CFAP70: variants seen among roughly 807,000 people sequenced by gnomAD.
CFAP70 encodes cilia and flagella associated protein 70.
Under a neutral mutation model 137.6 loss-of-function variants are expected in CFAP70, and 81 were observed. The observed-to-expected ratio is 0.59, with a 90% CI of 0.49 to 0.71. The LOEUF (loss-of-function observed/expected upper bound fraction) is 0.71. CFAP70 is among the 30% of genes least tolerant of loss of function. CFAP70 has a pLI of 0.00. For synonymous variants in CFAP70, 382 were observed against 423.6 expected (o/e 0.90, Z 1.20); for missense variants, 976 against 1,226.7 (o/e 0.80, Z 3.05).
At chr10:73,299,235 A>C in intron 13 of CFAP70, 134 bp from the exon 15 acceptor site, 1 of 717,236 alleles carries the variant, frequency 1.4e-6, no homozygotes, top group Non-Finnish European at 2.2e-6. Flanking sequence ...TTTTAGAGAC[A>C]AGGTCTCTCT....
At chr10:73,361,874 T>C (rs1374706427), upstream of CFAP70, among the ~76,000 whole-genome samples, 2 of 151,820 alleles carry the variant, frequency 1.3e-5, no homozygotes, top group African/African-American at 4.8e-5. Context: ...CTTTCAGAAA[T>C]TAACAAGCTG....
At chr10:73,302,170 G>A (rs1297793656) in intron 12 of CFAP70, among the ~76,000 whole-genome samples, 1 of 151,982 alleles carries the variant, frequency 6.6e-6, no homozygotes, top group African/African-American at 2.4e-5. Context: ...GTGTATAGAT[G>A]GTATTTAGAG....
At chr10:73,263,274 T>G (rs1231522261) in intron 25 of CFAP70, among the ~76,000 whole-genome samples, 3 of 152,130 alleles carry the variant, frequency 2.0e-5, no homozygotes, top group Non-Finnish European at 1.5e-5. Context: ...TTTTTTAATG[T>G]TTTGTAGAGA....
chr10:73,323,997 G>A (rs951515140), intron 8 of CFAP70, among the ~76,000 whole-genome samples: 23 of 152,322 alleles, frequency 1.5e-4, no homozygotes, highest in African/African-American at 3.8e-4. Context: ...CTCCCAGCAC[G>A]CAGCTGGAGA....
chr10:73,286,299 C>T (rs1040632734), intron 19 of CFAP70, among the ~76,000 whole-genome samples: 10 of 152,000 alleles, frequency 6.6e-5, no homozygotes, highest in Non-Finnish European at 8.8e-5. Context: ...AAAAAATTAG[C>T]CGGGCGTGGT....
rs754738187 is a variant in CFAP70, at chr10:73,297,194, C to T, written c.1513-21G>A. 17 of 1,606,848 alleles carry T rather than the reference C, an allele frequency of 1.1e-5. No individual in the cohort carries two copies. In the Admixed American group the frequency reaches 2.7e-4, roughly 25 times the overall value. On this transcript the variant is annotated intron_variant, in intron 14 of 26. Coordinates refer to ENST00000310715, the Ensembl canonical transcript of CFAP70. Reference sequence around the variant, plus strand: ...GCATGCTGCAAGACACACAGATCACCCATCTGATAATACAGTCCAGCACCA... The same window carrying T: ...GCATGCTGCAAGACACACAGATCACTCATCTGATAATACAGTCCAGCACCA...
exon 21 of CFAP70, chr10:73,277,253 A>C: frequency 6.2e-7 from 1 of 1,613,918 alleles, no homozygotes; most frequent in Non-Finnish European, 8.5e-7. Flanking sequence ...CACAGCCTTG[A>C]CTTTCATCAA....
intron 3 of CFAP70, among the ~76,000 whole-genome samples, chr10:73,351,827 T>C (rs1214077632): frequency 1.3e-5 from 2 of 152,258 alleles, no homozygotes; most frequent in African/African-American, 4.8e-5. Flanking sequence ...TATGAATCTC[T>C]GGATCTTACT....
At chr10:73,273,058 T>C in intron 23 of CFAP70, 41 bp from the exon 25 acceptor site, 3 of 1,445,850 alleles carry the variant, frequency 2.1e-6, no homozygotes, top group Non-Finnish European at 2.9e-6. Flanking sequence ...TTCTAGAAGC[T>C]TCAAACCCCA....
At chr10:73,348,890 C>A (rs1243970914) in intron 3 of CFAP70, among the ~76,000 whole-genome samples, 1 of 151,826 alleles carries the variant, frequency 6.6e-6, no homozygotes, top group African/African-American at 2.4e-5. Flanking sequence ...CGGAGAAAAC[C>A]TGCCTCTACT....
In CFAP70 at chr10:73,312,368, A is replaced by G. The variant is rs554444684; in HGVS notation, c.1083+105T>C. 21 of 880,402 alleles carry G rather than the reference A, an allele frequency of 2.4e-5. 1 individual carries two copies. In the South Asian group the frequency reaches 4.0e-4, roughly 17 times the overall value. The allele number at this position is 880,402 out of a possible 1,614,324, so 54.5% of individuals were successfully genotyped here. A position where few individuals can be genotyped will look rare whatever the true frequency, so the allele number is the denominator to read the frequency against. ...TATCCCAGAACTTAAAGTAAAATTA[A>G]AAAAAAATGCAAACTAACATTGATA... is the stretch of plus-strand genomic sequence containing the variant. On this transcript the variant is annotated intron_variant, in intron 10 of 26. Coordinates refer to ENST00000310715, the Ensembl canonical transcript of CFAP70.
chr10:73,270,466 CTTTTCTCTTTTCTTTT>C (rs2046180088), intron 24 of CFAP70, among the ~76,000 whole-genome samples: 1 of 110,418 alleles, frequency 9.1e-6, no homozygotes, highest in Non-Finnish European at 1.9e-5. Context: ...CCACCCTTTT[CTTTTCTCTTTTCTTTT>C]CCTTTTCTTT....
At chr10:73,341,843 C>G (rs2053280007) in intron 5 of CFAP70, among the ~76,000 whole-genome samples, 1 of 152,186 alleles carries the variant, frequency 6.6e-6, no homozygotes, top group Admixed American at 6.5e-5. Context: ...GGCAATGTAA[C>G]TGATTATTTC....
At chr10:73,355,861 C>T (rs933981613) in intron 1 of CFAP70, among the ~76,000 whole-genome samples, 1 of 152,166 alleles carries the variant, frequency 6.6e-6, no homozygotes, top group Non-Finnish European at 1.5e-5. Flanking sequence ...GAATCATCCC[C>T]GCTGCCCCCA....
intron 19 of CFAP70, among the ~76,000 whole-genome samples, chr10:73,284,800 A>G (rs1162850565): frequency 3.6e-5 from 3 of 83,546 alleles, no homozygotes; most frequent in Non-Finnish European, 4.8e-5. Context: ...ATATATATAT[A>G]TATAAAAGTT....
intron 25 of CFAP70, among the ~76,000 whole-genome samples, chr10:73,264,663 G>A (rs896914768): frequency 6.6e-6 from 1 of 152,262 alleles, no homozygotes; most frequent in East Asian, 1.9e-4. Context: ...TCTAAAATGT[G>A]TATAAAGGTT....
chr10:73,257,427 A>T (rs1007241147), intron 25 of CFAP70, among the ~76,000 whole-genome samples: 11 of 152,378 alleles, frequency 7.2e-5, no homozygotes, highest in African/African-American at 2.6e-4. Context: ...ATGAGATAAT[A>T]TGAATCCACT....
rs532730416 is a variant in CFAP70 at position 73,263,919 on chromosome 10, TTGAC to T, written c.3027+5691_3027+5694del. ...TCTTCATACATTTAGCAGTTGGCCTTTGACTGTAAGCTTTCCTTTCTCTACCACT... is the reference window on the plus strand; with the variant it reads ...TCTTCATACATTTAGCAGTTGGCCTTTGTAAGCTTTCCTTTCTCTACCACT... On this transcript the variant is annotated intron_variant, in intron 25 of 26. Transcript: ENST00000310715. Among the ~76,000 whole-genome samples the T allele has an allele frequency of 4.6e-4, 70 of 152,336 alleles. 1 individual carries two copies. Among genetic ancestry groups the T allele is most frequent in the African/African-American group, 1.4e-3 (59 of 41,580 alleles).
intron 12 of CFAP70, among the ~76,000 whole-genome samples, chr10:73,300,086 CCTCTT>C (rs1276897937): frequency 2.6e-5 from 4 of 152,120 alleles, no homozygotes; most frequent in Non-Finnish European, 5.9e-5. Flanking sequence ...GCAAGCAAAA[CCTCTT>C]CTTTCCTCCC....
Sources: allele counts gnomAD v4.1 joint callset (sites outside exome capture counted in the v4.1 genomes callset), GRCh38; gene constraint gnomAD v4.1.1; transcripts MANE v1.5; gene names NCBI Gene and HGNC (gene_info 2026-07-23, HGNC 2026-07-21).